CORO2B: variants seen among roughly 807,000 people sequenced by gnomAD.
CORO2B encodes the protein coronin-2B.
Under a neutral mutation model 58.8 loss-of-function variants are expected in CORO2B, and 26 were observed. That is an observed-to-expected ratio of 0.44 (90% CI 0.32 to 0.61). The LOEUF is 0.61. Ranked by LOEUF, CORO2B falls within the 20% of genes least tolerant of loss-of-function variation. CORO2B has a pLI of 0.04. For missense variants in CORO2B, 460 were observed against 645.1 expected, an observed-to-expected ratio of 0.71 and a Z score of 3.11; for synonymous variants, 242 against 253.8, an observed-to-expected ratio of 0.95 and a Z score of 0.44.
At chr15:68,640,065 T>C (rs1308390906) in intron 1 of CORO2B, among the ~76,000 whole-genome samples, 3 of 152,190 alleles carry the variant, frequency 2.0e-5, no homozygotes, top group African/African-American at 7.2e-5. Flanking sequence ...AGGAGTCTTT[T>C]CTGTTCCCTG....
chr15:68,653,234 A>G (rs907177531), intron 2 of CORO2B, among the ~76,000 whole-genome samples: 2 of 152,206 alleles, frequency 1.3e-5, no homozygotes, highest in Admixed American at 1.3e-4. Context: ...ACAGATGGGT[A>G]TTGAATGCCT....
chr15:68,554,519 GGCACCTGAAAC>G, the CORO2B span, among the ~76,000 whole-genome samples: 1 of 152,022 alleles, frequency 6.6e-6, no homozygotes, highest in African/African-American at 2.4e-5. Flanking sequence ...TCAGAAGATG[GGCACCTGAAAC>G]GCACCCATGT....
intron 1 of CORO2B, among the ~76,000 whole-genome samples, chr15:68,630,073 C>T (rs1050453963): frequency 1.4e-4 from 22 of 152,216 alleles, no homozygotes; most frequent in Non-Finnish European, 2.9e-5. Context: ...CAGTGCCCAC[C>T]AGGCACCGTG....
the CORO2B span, among the ~76,000 whole-genome samples, chr15:68,528,914 C>A: frequency 1.3e-5 from 2 of 152,074 alleles, no homozygotes; most frequent in Non-Finnish European, 2.9e-5. Flanking sequence ...AAAAAGCAGA[C>A]AAAATGGCTT....
rs1453150855 is a variant in CORO2B at position 68,710,836 on chromosome 15, C to T, written c.438C>T (p.His146=). The change falls in exon 4 of 12, where the codon CAC becomes CAT. Residue 146 remains histidine, a synonymous_variant. Transcript: ENST00000261861. The surrounding 1 kb of genome is among the most constrained non-coding windows in gnomAD (Gnocchi z 4.1). ...GGCGTGTGGGGCTGGTCGAGTGGCA[C>T]CCCACCACCAACAACATCCTGTTCA... ...HSRRVGLVEW[H]PTTNNILFSA... 2 of 1,610,942 alleles carry T rather than the reference C, an allele frequency of 1.2e-6. No homozygotes were observed. The highest frequency in any genetic ancestry group is 1.7e-6 in the Non-Finnish European group (2 of 1,178,864).
chr15:68,524,247 CT>C, the CORO2B span, among the ~76,000 whole-genome samples: 2 of 151,978 alleles, frequency 1.3e-5, no homozygotes, highest in Non-Finnish European at 2.9e-5. Flanking sequence ...AAAATTCCAG[CT>C]TTTTAAGTTT....
At chr15:68,720,766 C>T (rs939894013) in intron 11 of CORO2B, among the ~76,000 whole-genome samples, 8 of 152,192 alleles carry the variant, frequency 5.3e-5, no homozygotes, top group African/African-American at 1.9e-4. Flanking sequence ...AAATGGTATC[C>T]CACCACTTCT....
intron 1 of CORO2B, among the ~76,000 whole-genome samples, chr15:68,581,857 C>G (rs1899436087): frequency 6.6e-6 from 1 of 152,196 alleles, no homozygotes. Context: ...TTCTCTGCTG[C>G]TGCTTCTCCA....
chr15:68,685,078 C>T (rs1462816283), intron 2 of CORO2B, among the ~76,000 whole-genome samples: 1 of 152,202 alleles, frequency 6.6e-6, no homozygotes, highest in African/African-American at 2.4e-5. Flanking sequence ...GTAAATCACC[C>T]ATCTGCTGGG....
At chr15:68,702,877 A>C (rs1441897416) in intron 3 of CORO2B, among the ~76,000 whole-genome samples, 6 of 121,182 alleles carry the variant, frequency 5.0e-5, no homozygotes, top group African/African-American at 2.0e-4. Flanking sequence ...CCCAGGCTGG[A>C]GTGCTGTGAC....
rs542503464 is a variant in CORO2B, at chr15:68,709,886, C to G, written c.334-846C>G. Among the ~76,000 whole-genome samples, 165 of 145,274 alleles carry G rather than the reference C, an allele frequency of 1.1e-3. 3 individuals are homozygous for G. In the South Asian group the frequency reaches 0.032, roughly 28 times the overall value. ...TGAAACAGGGCAGGGATGTTCCCCC[C>G]ACCTACCACCTACCTTATTGATTAA... On this transcript the variant is annotated intron_variant, in intron 3 of 11. Coordinates refer to ENST00000261861, the MANE Select transcript of CORO2B (RefSeq NM_006091.5).
chr15:68,598,153 G>A (rs1595959374), intron 1 of CORO2B, among the ~76,000 whole-genome samples: 2 of 152,172 alleles, frequency 1.3e-5, no homozygotes, highest in South Asian at 2.1e-4. Context: ...TCAGAGAATC[G>A]GATCCCAGAG....
At chr15:68,576,067 C>T (rs144949304), upstream of CORO2B, among the ~76,000 whole-genome samples, 94 of 140,124 alleles carry the variant, frequency 6.7e-4, no homozygotes, top group African/African-American at 2.3e-3. Context: ...GTGGGAGAAT[C>T]GCTTGAACCC....
chr15:68,701,473 G>A lies in CORO2B; in HGVS notation c.333+6217G>A, dbSNP rs1187237401. On this transcript the variant is annotated intron_variant, in intron 3 of 11. Coordinates refer to ENST00000261861, the MANE Select transcript of CORO2B (RefSeq NM_006091.5). ...ACTACAGGCGCCTGCAACCACGCCC[G>A]GCTAATTTTTTTTTTTTTTTTTTTT... Among the ~76,000 whole-genome samples the A allele has an allele frequency of 2.3e-4, 18 of 79,464 alleles. No homozygotes were observed. The South Asian group carries it at 3.2e-3, about 14-fold the overall frequency. The allele number at this position is 79,464 out of a possible 152,430, so 52.1% of individuals were successfully genotyped here.
intron 1 of CORO2B, among the ~76,000 whole-genome samples, chr15:68,602,544 G>A (rs1421812130): frequency 6.6e-6 from 1 of 151,956 alleles, no homozygotes; most frequent in Non-Finnish European, 1.5e-5. Context: ...GTCTTTAACC[G>A]CCTCTCCCTA....
chr15:68,576,953 G>T (rs1046187408), upstream of CORO2B, among the ~76,000 whole-genome samples: 3 of 152,188 alleles, frequency 2.0e-5, no homozygotes, highest in Non-Finnish European at 4.4e-5. Flanking sequence ...AACAGGGAGA[G>T]CCATTGGGCT....
chr15:68,629,545 T>G (rs1012169587), intron 1 of CORO2B, among the ~76,000 whole-genome samples: 4 of 152,158 alleles, frequency 2.6e-5, no homozygotes, highest in African/African-American at 9.7e-5. Flanking sequence ...AGCTTTGACT[T>G]TCACAGAAAC....
chr15:68,622,410 G>A (rs890668920), intron 1 of CORO2B, among the ~76,000 whole-genome samples: 2 of 152,102 alleles, frequency 1.3e-5, no homozygotes, highest in Non-Finnish European at 2.9e-5. Flanking sequence ...TTTGGTATGG[G>A]GTGAGCTAGC....
rs757270101 is a variant in CORO2B, at chr15:68,710,916, T to C, written c.483+35T>C. ...GGGCAGGCAGCTGGGTGGAGAGGGA[T>C]TGGGGAAGAGAAAGGGGCCTTTTGG... is the stretch of plus-strand genomic sequence containing the variant. On this transcript the variant is annotated intron_variant, in intron 4 of 11. Transcript: ENST00000261861. This position sits in a 1 kb window ranked among gnomAD's most constrained non-coding sequence, Gnocchi z 4.1. 6 of 1,559,036 alleles carry C rather than the reference T, an allele frequency of 3.8e-6. No homozygotes were observed. Among genetic ancestry groups the C allele is most frequent in the Admixed American group, 1.9e-5 (1 of 54,030 alleles).
Sources: gnomAD v4.1 joint callset for allele counts (sites outside exome capture counted in the v4.1 genomes callset) on GRCh38, gnomAD v4.1.1 for gene constraint, Gnocchi (gnomAD v3.1) non-coding constraint, MANE v1.5 for transcripts, NCBI Gene and HGNC (gene_info 2026-07-23, HGNC 2026-07-21) for gene names.